The following LINGO2 variants were observed in gnomAD, a reference collection of about 807,000 sequenced individuals.
The protein encoded by LINGO2 is leucine rich repeat and Ig domain containing 2, also known as leucine-rich repeat and immunoglobulin-like domain-containing nogo receptor-interacting protein 2.
In LINGO2, 14 loss-of-function variants were observed where a neutral mutation model predicts 30.6. The ratio of observed to expected loss-of-function variants is 0.46; its 90% CI spans 0.30 to 0.72. The LOEUF (loss-of-function observed/expected upper bound fraction) is 0.72, where lower values mean the gene tolerates loss of function less well. Ranked by LOEUF, LINGO2 falls within the 30% of genes least tolerant of loss-of-function variation. The pLI, the probability that LINGO2 is intolerant of heterozygous loss-of-function variation, is 0.07. For synonymous variants in LINGO2, 317 were observed against 288.5 expected, an observed-to-expected ratio of 1.10 and a Z score of -1.00; for missense variants, 729 against 751.7, an observed-to-expected ratio of 0.97 and a Z score of 0.35.
At chr9:28,097,161 CAATCAGT>C (rs1826268258) in intron 4 of LINGO2, among the ~76,000 whole-genome samples, 1 of 152,064 alleles carries the variant, frequency 6.6e-6, no homozygotes, top group Non-Finnish European at 1.5e-5. Context: ...ATTAGAATGG[CAATCAGT>C]AAAAAGTCAG....
the LINGO2 span, among the ~76,000 whole-genome samples, chr9:29,101,122 A>G: frequency 5.3e-5 from 8 of 152,292 alleles, no homozygotes; most frequent in East Asian, 5.8e-4. Context: ...AGATGTCATA[A>G]CTTTAGCAAG....
chr9:28,030,038 C>T (rs1823589437), intron 4 of LINGO2, among the ~76,000 whole-genome samples: 1 of 152,132 alleles, frequency 6.6e-6, no homozygotes, highest in African/African-American at 2.4e-5. Flanking sequence ...TCAGAATACA[C>T]AAGTAAAGCT....
intron 2 of LINGO2, among the ~76,000 whole-genome samples, chr9:28,390,987 T>A (rs1160206504): frequency 6.6e-6 from 1 of 152,160 alleles, no homozygotes; most frequent in Non-Finnish European, 1.5e-5. Context: ...AGTTATCTGT[T>A]TGCATGTACT....
chr9:28,633,486 G>C (rs995977428), intron 1 of LINGO2, among the ~76,000 whole-genome samples: 3 of 152,118 alleles, frequency 2.0e-5, no homozygotes, highest in Admixed American at 6.5e-5. Context: ...ACATAAAAGA[G>C]ACATTAATAA....
chr9:28,231,495 T>C (rs184134512), intron 4 of LINGO2, among the ~76,000 whole-genome samples: 1 of 152,216 alleles, frequency 6.6e-6, no homozygotes, highest in East Asian at 1.9e-4. Context: ...TATGAAAATC[T>C]AGAATTTAAT....
chr9:28,327,097 G>A (rs965795583), intron 3 of LINGO2, among the ~76,000 whole-genome samples: 5 of 152,084 alleles, frequency 3.3e-5, no homozygotes, highest in Admixed American at 2.0e-4. Flanking sequence ...TTACAAAAAG[G>A]CTTGTTCACC....
At chr9:28,344,924 A>C (rs2134407775) in intron 3 of LINGO2, among the ~76,000 whole-genome samples, 1 of 152,250 alleles carries the variant, frequency 6.6e-6, no homozygotes, top group Admixed American at 6.5e-5. Context: ...AAGGAGCCAC[A>C]GATTATTTTT....
chr9:28,248,510 A>G (rs573397955), intron 4 of LINGO2, among the ~76,000 whole-genome samples: 15 of 152,304 alleles, frequency 9.8e-5, no homozygotes, highest in Non-Finnish European at 1.5e-4. Context: ...GTTGACGGGC[A>G]CAAAACAAAA....
At chr9:29,080,307 T>G in the LINGO2 span, among the ~76,000 whole-genome samples, 1 of 152,154 alleles carries the variant, frequency 6.6e-6, no homozygotes, top group East Asian at 1.9e-4. Flanking sequence ...TTATCATTTT[T>G]TATTGCATCT....
In LINGO2 at chr9:28,328,945, CA is replaced by C. The variant is rs1271478557; in HGVS notation, c.-245-33580del. On this transcript the variant is annotated intron_variant, in intron 3 of 5. Coordinates refer to ENST00000379992, the Ensembl canonical transcript of LINGO2. ...TGGGATTAATACTGGTGCCATTTGA[CA>C]AAAAAATAATATCTAAGAAAACAGT... Among the ~76,000 whole-genome samples, 3 of 151,984 alleles carry C rather than the reference CA, an allele frequency of 2.0e-5. No homozygotes were observed. The East Asian group carries it at 5.8e-4, about 29-fold the overall frequency.
intron 5 of LINGO2, among the ~76,000 whole-genome samples, chr9:28,005,175 G>A (rs577816050): frequency 3.3e-5 from 5 of 152,290 alleles, no homozygotes; most frequent in South Asian, 2.1e-4. Context: ...CTTCCTGCAC[G>A]ATGTGACTGG....
At chr9:28,884,931 T>C in the LINGO2 span, among the ~76,000 whole-genome samples, 240 of 12,044 alleles carry the variant, frequency 0.02, 1 homozygote, top group African/African-American at 0.06. Context: ...ATATATAATA[T>C]TATATATAAT....
At chr9:28,773,173 G>A in the LINGO2 span, among the ~76,000 whole-genome samples, 2 of 152,000 alleles carry the variant, frequency 1.3e-5, no homozygotes, top group African/African-American at 4.8e-5. Context: ...AGACTGTCCT[G>A]GCTAACACAG....
the LINGO2 span, among the ~76,000 whole-genome samples, chr9:29,096,570 G>A: frequency 1.8e-4 from 25 of 140,614 alleles, 7 homozygotes; most frequent in African/African-American, 6.6e-4. Context: ...ACAGGCGTGA[G>A]CCACCATGGC....
intron 1 of LINGO2, among the ~76,000 whole-genome samples, chr9:28,605,600 A>C (rs1825664360): frequency 6.6e-6 from 1 of 152,058 alleles, no homozygotes; most frequent in African/African-American, 2.4e-5. Flanking sequence ...TAACAAGGGA[A>C]GGCTTTTAAG....
At chr9:28,873,003 A>G in the LINGO2 span, among the ~76,000 whole-genome samples, 2 of 152,154 alleles carry the variant, frequency 1.3e-5, no homozygotes, top group African/African-American at 2.4e-5. Flanking sequence ...TTTAATATCT[A>G]TGAAAATTCA....
intron 2 of LINGO2, among the ~76,000 whole-genome samples, chr9:28,392,492 A>G (rs1479288659): frequency 2.0e-5 from 3 of 152,150 alleles, no homozygotes; most frequent in African/African-American, 7.2e-5. Flanking sequence ...GGTGATGTTA[A>G]AGTTGAATGG....
intron 4 of LINGO2, among the ~76,000 whole-genome samples, chr9:28,270,584 T>C (rs1341991936): frequency 2.0e-5 from 3 of 152,092 alleles, no homozygotes; most frequent in Admixed American, 6.6e-5. Context: ...ACCTCCCTTA[T>C]GTGCAGCTAA....
the LINGO2 span, among the ~76,000 whole-genome samples, chr9:29,212,928 G>A: frequency 3.3e-5 from 5 of 152,212 alleles, no homozygotes; most frequent in African/African-American, 9.6e-5. Flanking sequence ...TTACCTTGAG[G>A]CGCTGTTAAT....
Sources: allele counts gnomAD v4.1 joint callset (sites outside exome capture counted in the v4.1 genomes callset), GRCh38; gene constraint gnomAD v4.1.1; transcripts MANE v1.5; gene names NCBI Gene and HGNC (gene_info 2026-07-23, HGNC 2026-07-21).